The following BRIP1 variants were observed in gnomAD, a reference collection of about 807,000 sequenced individuals.
BRIP1 encodes Fanconi anemia group J protein.
Under a neutral mutation model 119.7 loss-of-function variants are expected in BRIP1, and 88 were observed. The observed-to-expected ratio is 0.74, with a 90% CI of 0.62 to 0.88. The LOEUF is 0.88. Among genes scored for constraint, BRIP1 ranks in the 40% least tolerant of loss-of-function variants. The pLI, the probability that BRIP1 is intolerant of heterozygous loss-of-function variation, is 0.00. For synonymous variants in BRIP1, 443 were observed against 496.5 expected (o/e 0.89, Z 1.43); for missense variants, 1,259 against 1,455.4 (o/e 0.87, Z 2.20).
intron 3 of BRIP1, among the ~76,000 whole-genome samples, chr17:61,859,281 A>G (rs371954778): frequency 6.6e-6 from 1 of 152,272 alleles, no homozygotes; most frequent in East Asian, 1.9e-4. Flanking sequence ...CAGCATCATG[A>G]CAGCCCATCT....
At chr17:61,779,838 C>A (rs1032251085) in intron 13 of BRIP1, among the ~76,000 whole-genome samples, 3 of 151,838 alleles carry the variant, frequency 2.0e-5, no homozygotes, top group Non-Finnish European at 4.4e-5. Context: ...CACCTGTAAT[C>A]TCAGCAACTT....
rs2061959013 is a variant in BRIP1 at position 61,720,698 on chromosome 17, T to C, written c.2380-4635A>G. Reference sequence around the variant, plus strand: ...TACCCACCAGCAGTTAGTAGTTACTTAGTAGCTGTCTAGGTCTAATCGAGT... The same window carrying C: ...TACCCACCAGCAGTTAGTAGTTACTCAGTAGCTGTCTAGGTCTAATCGAGT... On this transcript the variant is annotated intron_variant, in intron 16 of 19. Coordinates refer to ENST00000259008, the MANE Select transcript of BRIP1 (RefSeq NM_032043.3). The surrounding 1 kb of genome is among the most constrained non-coding windows in gnomAD (Gnocchi z 4.3). Among the ~76,000 whole-genome samples, 3 of 152,282 alleles carry C rather than the reference T, an allele frequency of 2.0e-5. No homozygotes were observed. In the South Asian group the frequency reaches 6.2e-4, roughly 32 times the overall value.
Position 61,767,749 on chromosome 17 carries a change from A to C in BRIP1, c.2097+8652T>G, listed in dbSNP as rs2077392894. Among the ~76,000 whole-genome samples the C allele has an allele frequency of 6.6e-6, 1 of 152,096 alleles. No individual in the cohort carries two copies. Among genetic ancestry groups the C allele is most frequent in the African/African-American group, 2.4e-5 (1 of 41,424 alleles). ...CTGGCCCTTATCCTATGTTTCTTTT[A>C]TGAAACTCTGCAACCAGTCTTTACA... On this transcript the variant is annotated intron_variant, in intron 14 of 19. Transcript: ENST00000259008. The surrounding 1 kb of genome is among the most constrained non-coding windows in gnomAD (Gnocchi z 5.7).
chr17:61,693,219 G>A lies in BRIP1; in HGVS notation c.2575+211C>T, dbSNP rs764472078. Among the ~76,000 whole-genome samples the A allele has an allele frequency of 6.6e-6, 1 of 152,148 alleles. No individual in the cohort carries two copies. The highest frequency in any genetic ancestry group is 1.5e-5 in the Non-Finnish European group (1 of 68,022). On this transcript the variant is annotated intron_variant, in intron 18 of 19. Transcript: ENST00000259008. The surrounding 1 kb of genome is among the most constrained non-coding windows in gnomAD (Gnocchi z 4.2). Reference sequence around the variant, plus strand: ...GTTGTCAGTGGACAGGGGGGAGAGGGACATGGGGCATTGCTGTTCAGTTGG... The same window carrying A: ...GTTGTCAGTGGACAGGGGGGAGAGGAACATGGGGCATTGCTGTTCAGTTGG...
intron 13 of BRIP1, among the ~76,000 whole-genome samples, chr17:61,779,931 ACT>A (rs1356458673): frequency 1.3e-5 from 2 of 152,148 alleles, no homozygotes; most frequent in South Asian, 2.1e-4. Flanking sequence ...ACAGAGCCAG[ACT>A]CTGTCTCAAA....
rs2061365496 is a variant in BRIP1 at position 61,686,409 on chromosome 17, G to A, written c.2576-244C>T. Among the ~76,000 whole-genome samples the A allele has an allele frequency of 6.6e-6, 1 of 152,232 alleles. No individual in the cohort carries two copies. Among genetic ancestry groups the A allele is most frequent in the South Asian group, 2.1e-4 (1 of 4,818 alleles). ...TGGAGAGAGCAAAGAGGCAGTAGAA[G>A]TAGGGCAGAGATGGGAAAACATATT... On this transcript the variant is annotated intron_variant, in intron 18 of 19. Coordinates refer to ENST00000259008, the MANE Select transcript of BRIP1 (RefSeq NM_032043.3). This position sits in a 1 kb window ranked among gnomAD's most constrained non-coding sequence, Gnocchi z 5.4.
rs951239457 is a variant in BRIP1, at chr17:61,841,061, C to G, written c.627+6040G>C. Among the ~76,000 whole-genome samples, 1 of 152,080 alleles carries G rather than the reference C, an allele frequency of 6.6e-6. No homozygotes were observed. The highest frequency in any genetic ancestry group is 2.4e-5 in the African/African-American group (1 of 41,432). On this transcript the variant is annotated intron_variant, in intron 6 of 19. Transcript: ENST00000259008. This position sits in a 1 kb window ranked among gnomAD's most constrained non-coding sequence, Gnocchi z 4.1. ...AGATCCCTCTCACCATCTACAAAAA[C>G]CAACTCAAAATAGATTAAAGACTTA...
intron 17 of BRIP1, among the ~76,000 whole-genome samples, chr17:61,697,003 A>AAAAAG (rs1491195142): frequency 1.6e-5 from 2 of 121,302 alleles, no homozygotes; most frequent in Non-Finnish European, 3.3e-5. Context: ...AAAAAAAAAA[A>AAAAAG]GGGGGGGGGA....
At chr17:61,790,051 A>G (rs1016565687) in intron 10 of BRIP1, among the ~76,000 whole-genome samples, 1 of 152,212 alleles carries the variant, frequency 6.6e-6, no homozygotes, top group African/African-American at 2.4e-5. Context: ...CCTGACCAGG[A>G]TACAAAACAT....
rs575164300 is a variant in BRIP1, at chr17:61,823,540, G to A, written c.628-14783C>T. Among the ~76,000 whole-genome samples the A allele has an allele frequency of 6.6e-6, 1 of 151,888 alleles. No homozygotes were observed. Among genetic ancestry groups the A allele is most frequent in the South Asian group, 2.1e-4 (1 of 4,818 alleles). On this transcript the variant is annotated intron_variant, in intron 6 of 19. Coordinates refer to ENST00000259008, the MANE Select transcript of BRIP1 (RefSeq NM_032043.3). The surrounding 1 kb of genome is among the most constrained non-coding windows in gnomAD (Gnocchi z 4.8). ...CTTGACAAATCGGCAATAGAAGGTA[G>A]ACAAAATGAAGCACAAAGAAGAAAA...
At position 61,861,350 on chromosome 17, in the gene BRIP1, T is replaced by C. The variant is rs907903163; in HGVS notation, c.93+97A>G. On this transcript the variant is annotated intron_variant, in intron 2 of 19. Coordinates refer to ENST00000259008, the MANE Select transcript of BRIP1 (RefSeq NM_032043.3). The surrounding 1 kb of genome is among the most constrained non-coding windows in gnomAD (Gnocchi z 4.5). ...AAGTGAACCCAGAAAATATTCTCCA[T>C]TTACTGAGAATATGAATGCAGTCAA... 253 of 839,022 alleles carry C rather than the reference T, an allele frequency of 3.0e-4. 4 individuals carry two copies. In the South Asian group the frequency reaches 3.6e-3, roughly 12 times the overall value. 52.0% of individuals were successfully genotyped at this position (839,022 alleles called of 1,614,324 possible).
intron 16 of BRIP1, among the ~76,000 whole-genome samples, chr17:61,741,844 T>C (rs552245428): frequency 6.6e-6 from 1 of 152,332 alleles, no homozygotes; most frequent in African/African-American, 2.4e-5. Flanking sequence ...AAATGTTAAA[T>C]GAGCATTGGC....
At chr17:61,801,918 G>A (rs1252900194) in intron 7 of BRIP1, among the ~76,000 whole-genome samples, 4 of 151,982 alleles carry the variant, frequency 2.6e-5, no homozygotes, top group African/African-American at 9.7e-5. Flanking sequence ...TTTCAACTTT[G>A]AGCCATGTGA....
chr17:61,834,872 C>A lies in BRIP1; in HGVS notation c.627+12229G>T, dbSNP rs1308735226. Reference sequence around the variant, plus strand: ...GACCACAGACACATGAGTAGGCCACCTGAGATCAGCAGAAGAAATGCCCAG... The same window carrying A: ...GACCACAGACACATGAGTAGGCCACATGAGATCAGCAGAAGAAATGCCCAG... On this transcript the variant is annotated intron_variant, in intron 6 of 19. Transcript: ENST00000259008. This position sits in a 1 kb window ranked among gnomAD's most constrained non-coding sequence, Gnocchi z 4.4. Among the ~76,000 whole-genome samples the A allele has an allele frequency of 1.3e-5, 2 of 152,166 alleles. No individual in the cohort carries two copies. Among genetic ancestry groups the A allele is most frequent in the African/African-American group, 4.8e-5 (2 of 41,424 alleles).
intron 6 of BRIP1, among the ~76,000 whole-genome samples, chr17:61,829,058 TAAAGA>T (rs953369824): frequency 1.3e-5 from 2 of 151,248 alleles, no homozygotes; most frequent in African/African-American, 4.9e-5. Context: ...AAAAGGGGAA[TAAAGA>T]AAAGTTGGAA....
In BRIP1 at chr17:61,856,965, T is replaced by C. The variant is rs2078903927; in HGVS notation, c.379+93A>G. The C allele has an allele frequency of 1.6e-6, 2 of 1,277,380 alleles. No homozygotes were observed. Among genetic ancestry groups the C allele is most frequent in the Non-Finnish European group, 1.1e-6 (1 of 876,682 alleles). 79.1% of individuals were successfully genotyped at this position (1,277,380 alleles called of 1,614,324 possible). ...CTAGATAGAGATATATAATCAGTTA[T>C]GCTAACCAAACTTATATAAATTAGG... On this transcript the variant is annotated intron_variant, in intron 4 of 19. Transcript: ENST00000259008. The surrounding 1 kb of genome is among the most constrained non-coding windows in gnomAD (Gnocchi z 5.1).
At position 61,842,744 on chromosome 17, in the gene BRIP1, C is replaced by T. The variant is rs981376499; in HGVS notation, c.627+4357G>A. On this transcript the variant is annotated intron_variant, in intron 6 of 19. Transcript: ENST00000259008. The surrounding 1 kb of genome is among the most constrained non-coding windows in gnomAD (Gnocchi z 5.1). ...ACTACAGCTGCTGCTACTTCTACTA[C>T]CACTTGGCGCTTAAACTCTAAGGTA... 1.3e-5 allele frequency among the ~76,000 whole-genome samples: 2 copies of T among 152,212 alleles called. No individual in the cohort carries two copies. The highest frequency in any genetic ancestry group is 4.8e-5 in the African/African-American group (2 of 41,450).
At chr17:61,840,236 C>T (rs2078637420) in intron 6 of BRIP1, among the ~76,000 whole-genome samples, 1 of 150,940 alleles carries the variant, frequency 6.6e-6, no homozygotes, top group Non-Finnish European at 1.5e-5. Flanking sequence ...TCAGGTGCTA[C>T]TTGAGAAGCT....
At position 61,858,561 on chromosome 17, in the gene BRIP1, C is replaced by T. The variant is rs1280806911; in HGVS notation, c.205+1235G>A. ...GCTAATTTTGTATTTTTAGTAGAGA[C>T]GGGGTTTCTCCACGTTGGTCTGGCT... is the stretch of plus-strand genomic sequence containing the variant. On this transcript the variant is annotated intron_variant, in intron 3 of 19. Coordinates refer to ENST00000259008, the MANE Select transcript of BRIP1 (RefSeq NM_032043.3). Among the ~76,000 whole-genome samples the T allele has an allele frequency of 5.9e-5, 9 of 151,928 alleles. 1 individual carries two copies. The highest frequency in any genetic ancestry group is 7.3e-5 in the African/African-American group (3 of 41,360).
Sources: gnomAD v4.1 joint callset for allele counts (sites outside exome capture counted in the v4.1 genomes callset) on GRCh38, gnomAD v4.1.1 for gene constraint, Gnocchi (gnomAD v3.1) non-coding constraint, MANE v1.5 for transcripts, NCBI Gene and HGNC (gene_info 2026-07-23, HGNC 2026-07-21) for gene names.